The following CST7 variants were observed in gnomAD, a reference collection of about 807,000 sequenced individuals.
CST7 encodes the protein cystatin-F.
Under a neutral mutation model 13.1 loss-of-function variants are expected in CST7, and 15 were observed. That is an observed-to-expected ratio of 1.14 (90% CI 0.77 to 1.76). The LOEUF is 1.76. CST7 is among the 40% of genes most tolerant of loss of function. The probability of loss-of-function intolerance (pLI) is 0.00; values close to 1 mark genes in which losing one functional copy is unlikely to be tolerated. For synonymous variants in CST7, 75 were observed against 66.9 expected, an observed-to-expected ratio of 1.12 and a Z score of -0.59; for missense variants, 193 against 178.8, an observed-to-expected ratio of 1.08 and a Z score of -0.45.
intron 1 of CST7, among the ~76,000 whole-genome samples, chr20:24,956,582 T>C (rs1421938300): frequency 6.6e-6 from 1 of 152,110 alleles, no homozygotes; most frequent in Non-Finnish European, 1.5e-5. Flanking sequence ...GGGGACACAG[T>C]GCACTGTCAC....
chr20:24,958,078 A>G (rs1404675655), intron 2 of CST7, among the ~76,000 whole-genome samples: 1 of 152,202 alleles, frequency 6.6e-6, no homozygotes, highest in East Asian at 1.9e-4. Context: ...TGGTGCCTGT[A>G]AGGGGCAGAA....
chr20:24,952,410 A>G (rs1370660254), intron 1 of CST7, among the ~76,000 whole-genome samples: 1 of 152,188 alleles, frequency 6.6e-6, no homozygotes. Context: ...TGCCAGGGGC[A>G]TGTGTGTGCC....
intron 1 of CST7, among the ~76,000 whole-genome samples, chr20:24,954,666 C>T (rs1347414274): frequency 3.3e-5 from 5 of 152,112 alleles, no homozygotes; most frequent in Non-Finnish European, 7.4e-5. Flanking sequence ...TTTTAGGAAA[C>T]ATGTAGTTAA....
At position 24,959,048 on chromosome 20, in the gene CST7, A is replaced by C; in HGVS notation, c.360+4A>C. ...AACCAACCACACCTTGAAGCAGGTA[A>C]AGCAGCAGGCCCTTCTCTCAGATGT... On this transcript the variant is annotated splice_donor_region_variant and intron_variant, in intron 3 of 3. Transcript: ENST00000480798. 1 of 1,607,092 alleles carries C rather than the reference A, an allele frequency of 6.2e-7. No homozygotes were observed. The highest frequency in any genetic ancestry group is 8.5e-7 in the Non-Finnish European group (1 of 1,173,714).
intron 2 of CST7, among the ~76,000 whole-genome samples, chr20:24,958,130 G>A (rs56976560): frequency 0.037 from 5,610 of 152,318 alleles, 389 homozygotes; most frequent in African/African-American, 0.13. Flanking sequence ...TCATGGTTAT[G>A]CTGGGTCACA....
Position 24,959,810 on chromosome 20 carries a change from C to T in CST7, c.*98C>T. The T allele has an allele frequency of 8.1e-7, 1 of 1,234,322 alleles. No individual in the cohort carries two copies. Among genetic ancestry groups the T allele is most frequent in the Non-Finnish European group, 1.2e-6 (1 of 839,270 alleles). The allele number at this position is 1,234,322 out of a possible 1,614,324, so 76.5% of individuals were successfully genotyped here. Reference sequence around the variant, plus strand: ...CTCATGACCCAGCCTCACAGACCCTCTCAGGCCTCTGACGAGTGAGCGGGT... The same window carrying T: ...CTCATGACCCAGCCTCACAGACCCTTTCAGGCCTCTGACGAGTGAGCGGGT... On this transcript the variant is annotated 3_prime_UTR_variant, in exon 4 of 4. Transcript: ENST00000480798.
chr20:24,952,703 G>A (rs1040152610), intron 1 of CST7, among the ~76,000 whole-genome samples: 3 of 152,194 alleles, frequency 2.0e-5, no homozygotes, highest in Non-Finnish European at 1.5e-5. Context: ...GCTCAGTACT[G>A]GCCCATGGAA....
intron 1 of CST7, among the ~76,000 whole-genome samples, chr20:24,953,114 C>T (rs2087830711): frequency 6.6e-6 from 1 of 152,264 alleles, no homozygotes; most frequent in African/African-American, 2.4e-5. Context: ...CTCCCCTGGC[C>T]TGGCAGCTTC....
intron 1 of CST7, among the ~76,000 whole-genome samples, 182 bp from the exon 2 acceptor site, chr20:24,957,105 T>TG (rs2087862815): frequency 4.6e-4 from 1 of 2,168 alleles, no homozygotes; most frequent in Non-Finnish European, 9.9e-4. Context: ...GTGGGTAGGG[T>TG]GGGGGCAGGT....
chr20:24,956,033 A>G (rs1358992172), intron 1 of CST7, among the ~76,000 whole-genome samples: 1 of 152,180 alleles, frequency 6.6e-6, no homozygotes, highest in African/African-American at 2.4e-5. Context: ...GCCATTTGCC[A>G]GGTGGCCTCC....
At position 24,959,042 on chromosome 20, in the gene CST7, C is replaced by T; in HGVS notation, c.358C>T (p.Gln120Ter). The change falls in exon 3 of 4, where the codon CAG (glutamine) becomes TAG (stop). Residue 120 changes from glutamine to a stop codon, truncating the protein, a stop_gained and splice_region_variant. Coordinates refer to ENST00000480798, the MANE Select transcript of CST7 (RefSeq NM_003650.4). LOFTEE classifies it high-confidence loss of function. ...CDFQTNHTLK[Q>*]TLSCYSEVWV... The stretch of plus-strand genomic sequence containing the variant: ...CTTCCAAACCAACCACACCTTGAAG[C>T]AGGTAAAGCAGCAGGCCCTTCTCTC... 1.2e-6 allele frequency: 2 copies of T among 1,610,908 alleles called. No individual in the cohort carries two copies. The highest frequency in any genetic ancestry group is 1.7e-6 in the Non-Finnish European group (2 of 1,177,154).
At chr20:24,954,032 C>T (rs1209595309) in intron 1 of CST7, among the ~76,000 whole-genome samples, 1 of 152,098 alleles carries the variant, frequency 6.6e-6, no homozygotes, top group Non-Finnish European at 1.5e-5. Context: ...CCTCTGCTCA[C>T]CCATTTTACC....
At position 24,949,277 on chromosome 20, in the gene CST7, A is replaced by T; in HGVS notation, c.-229A>T. 3 of 1,343,108 alleles carry T rather than the reference A, an allele frequency of 2.2e-6. No homozygotes were observed. The highest frequency in any genetic ancestry group is 3.0e-6 in the Non-Finnish European group (3 of 1,001,806). The allele number at this position is 1,343,108 out of a possible 1,614,324, so 83.2% of individuals were successfully genotyped here. ...CTGGGCTGGGACAGCCCACTGTTCC[A>T]TGCTGCCCAAGAAGGCTCAGCACAG... On this transcript the variant is annotated 5_prime_UTR_variant, in exon 1 of 4. An upstream start codon of the reference 5' UTR is lost. Transcript: ENST00000480798.
intron 3 of CST7, 130 bp downstream of exon 3, chr20:24,959,174 C>G (rs1600275155): frequency 2.8e-6 from 2 of 717,960 alleles, no homozygotes; most frequent in Admixed American, 4.3e-5. Context: ...GAAGCCAGGC[C>G]TCCCAGACTC....
At position 24,959,739 on chromosome 20, in the gene CST7, C is replaced by A. The variant is rs762209764; in HGVS notation, c.*27C>A. The A allele has an allele frequency of 1.2e-6, 2 of 1,606,552 alleles. No individual in the cohort carries two copies. Among genetic ancestry groups the A allele is most frequent in the South Asian group, 2.2e-5 (2 of 90,888 alleles). On this transcript the variant is annotated 3_prime_UTR_variant, in exon 4 of 4. Coordinates refer to ENST00000480798, the MANE Select transcript of CST7 (RefSeq NM_003650.4). ...CCCCGCCTCTTCAGCAAGACCACAGCCATGACAAACACCAGGATGCATGCT... is the reference window on the plus strand; with the variant it reads ...CCCCGCCTCTTCAGCAAGACCACAGACATGACAAACACCAGGATGCATGCT...
chr20:24,958,626 TGCAGGGCGGGCCCA>T (rs1440998072), intron 2 of CST7, among the ~76,000 whole-genome samples: 22 of 152,106 alleles, frequency 1.4e-4, no homozygotes, highest in African/African-American at 5.3e-4. Flanking sequence ...GAGTGAGGGC[TGCAGGGCGGGCCCA>T]GCAGGGCATG....
At chr20:24,957,022 GTGA>G (rs1281215030) in intron 1 of CST7, among the ~76,000 whole-genome samples, 1 of 83,240 alleles carries the variant, frequency 1.2e-5, no homozygotes, top group Non-Finnish European at 2.6e-5. Context: ...AGGGGGGCAG[GTGA>G]GGGGAGCAGG....
chr20:24,957,017 GGCAGGTGAGGGGA>G (rs1205050498), intron 1 of CST7, among the ~76,000 whole-genome samples: 1 of 3,184 alleles, frequency 3.1e-4, no homozygotes, highest in African/African-American at 1.3e-3. Context: ...AGGTGAGGGG[GGCAGGTGAGGGGA>G]GCAGGTGAGA....
intron 2 of CST7, 135 bp downstream of exon 2, chr20:24,957,594 T>C (rs2087867533): frequency 1.1e-6 from 1 of 875,334 alleles, no homozygotes; most frequent in Admixed American, 2.5e-5. Context: ...AGAAAGCAGA[T>C]GCACAAGGGG....
Sources: allele counts gnomAD v4.1 joint callset (sites outside exome capture counted in the v4.1 genomes callset), GRCh38; gene constraint gnomAD v4.1.1; transcripts MANE v1.5; gene names NCBI Gene and HGNC (gene_info 2026-07-23, HGNC 2026-07-21).